Variants in CAMK4 observed in about 807,000 individuals in gnomAD.
The protein encoded by CAMK4 is calcium/calmodulin-dependent protein kinase type IV.
A neutral mutation model predicts 44.9 loss-of-function variants in CAMK4; 22 were observed. The ratio of observed to expected loss-of-function variants is 0.49; its 90% CI spans 0.35 to 0.70. CAMK4 has a LOEUF of 0.70. Ranked by LOEUF, CAMK4 falls within the 30% of genes least tolerant of loss-of-function variation. CAMK4 has a pLI of 0.01. For missense variants in CAMK4, 498 were observed against 586.8 expected (o/e 0.85, Z 1.56); for synonymous variants, 218 against 215.4 (o/e 1.01, Z -0.11).
chr5:111,236,634 C>G (rs1748740362), intron 1 of CAMK4, among the ~76,000 whole-genome samples: 1 of 152,212 alleles, frequency 6.6e-6, no homozygotes, highest in South Asian at 2.1e-4. Context: ...ACTCTCTTGG[C>G]CTGAAATGTG....
chr5:111,438,039 A>T lies in CAMK4; in HGVS notation c.460-8647A>T, dbSNP rs528273927. 6.6e-5 allele frequency among the ~76,000 whole-genome samples: 10 copies of T among 152,304 alleles called. No homozygotes were observed. The South Asian group carries it at 1.9e-3, about 28-fold the overall frequency. ...CAGGGCCATTCTGGAGACATTTTGG[A>T]ATTAAAGTTGAAAGAACTTAATTGT... On this transcript the variant is annotated intron_variant, in intron 5 of 10. Transcript: ENST00000282356.
chr5:111,362,089 C>T (rs73788840), intron 2 of CAMK4, among the ~76,000 whole-genome samples: 3,790 of 152,062 alleles, frequency 0.025, 163 homozygotes, highest in African/African-American at 0.086. Context: ...ATTTAGTGAA[C>T]GTTTCACAGG....
intron 1 of CAMK4, among the ~76,000 whole-genome samples, chr5:111,322,667 A>T (rs1748711078): frequency 6.6e-6 from 1 of 152,066 alleles, no homozygotes; most frequent in Admixed American, 6.6e-5. Context: ...GGGTGTAGGG[A>T]GAGTCAATAA....
chr5:111,265,843 C>G (rs1750216890), intron 1 of CAMK4: 3 of 152,128 alleles, frequency 2.0e-5, no homozygotes, highest in Admixed American at 2.0e-4. Context: ...CTTTAATAAT[C>G]ACCAAGACCT....
intron 4 of CAMK4, among the ~76,000 whole-genome samples, chr5:111,378,761 ACT>A (rs1189894469): frequency 6.6e-6 from 1 of 152,140 alleles, no homozygotes; most frequent in Non-Finnish European, 1.5e-5. Context: ...GTGAATCCTG[ACT>A]CTACAACTGA....
chr5:111,301,940 G>T (rs1477376906), intron 1 of CAMK4, among the ~76,000 whole-genome samples: 1 of 152,132 alleles, frequency 6.6e-6, no homozygotes, highest in Non-Finnish European at 1.5e-5. Flanking sequence ...ACATCTCTTT[G>T]CTCAGTTAAG....
At chr5:111,424,063 A>T (rs2112923525) in intron 5 of CAMK4, among the ~76,000 whole-genome samples, 1 of 152,358 alleles carries the variant, frequency 6.6e-6, no homozygotes, top group South Asian at 2.1e-4. Flanking sequence ...TTATATCCTT[A>T]ATCCTTTTGC....
intron 5 of CAMK4, among the ~76,000 whole-genome samples, chr5:111,404,978 C>T (rs1487308541): frequency 1.3e-5 from 2 of 152,104 alleles, no homozygotes; most frequent in Non-Finnish European, 2.9e-5. Context: ...AGACTTTGTT[C>T]TAGACTTTGA....
chr5:111,293,433 C>CT lies in CAMK4; in HGVS notation c.162-50580dup, dbSNP rs1000264327. 3.5e-3 allele frequency among the ~76,000 whole-genome samples: 511 copies of CT among 146,612 alleles called. 1 individual carries two copies. Among genetic ancestry groups the CT allele is most frequent in the African/African-American group, 8.1e-3 (326 of 40,274 alleles). ...TCGATGCTTTTATGGCGGTGGTCTA[C>CT]TTTTTTTTTTTGAGATGGAGTCTCA... is the stretch of plus-strand genomic sequence containing the variant. On this transcript the variant is annotated intron_variant, in intron 1 of 10. Transcript: ENST00000282356.
At chr5:111,480,287 CA>C (rs1755391186) in intron 9 of CAMK4, among the ~76,000 whole-genome samples, 1 of 149,058 alleles carries the variant, frequency 6.7e-6, no homozygotes, top group Non-Finnish European at 1.5e-5. Context: ...CACACACACA[CA>C]CCCCTGGGTA....
chr5:111,311,573 T>C (rs1748205416), intron 1 of CAMK4, among the ~76,000 whole-genome samples: 1 of 152,192 alleles, frequency 6.6e-6, no homozygotes, highest in African/African-American at 2.4e-5. Context: ...GTAGGGGACA[T>C]CTAGGCTGTC....
chr5:111,316,801 T>C (rs2112683657), intron 1 of CAMK4, among the ~76,000 whole-genome samples: 1 of 152,292 alleles, frequency 6.6e-6, no homozygotes, highest in South Asian at 2.1e-4. Context: ...ATATTGCATT[T>C]TCAAGAATAG....
At chr5:111,479,030 C>T (rs1032912954) in intron 9 of CAMK4, among the ~76,000 whole-genome samples, 1 of 152,108 alleles carries the variant, frequency 6.6e-6, no homozygotes, top group Non-Finnish European at 1.5e-5. Context: ...GTGCATGCCA[C>T]CACACCCAGC....
intron 7 of CAMK4, among the ~76,000 whole-genome samples, chr5:111,460,917 T>C (rs754841979): frequency 1.2e-4 from 18 of 152,140 alleles, no homozygotes; most frequent in Non-Finnish European, 2.2e-4. Context: ...CAGGATATTA[T>C]TTAAAAATAA....
In CAMK4 at chr5:111,490,945, T is replaced by C. The variant is rs1289188042; in HGVS notation, c.*6479T>C. 3 of 152,140 alleles carry C rather than the reference T, an allele frequency of 2.0e-5. No individual in the cohort carries two copies. The highest frequency in any genetic ancestry group is 4.4e-5 in the Non-Finnish European group (3 of 68,036). 9.4% of individuals were successfully genotyped at this position (152,140 alleles called of 1,614,324 possible). A position where few individuals can be genotyped will look rare whatever the true frequency, so the allele number is the denominator to read the frequency against. Reference sequence around the variant, plus strand: ...AGTTTAGTGAGTGGGTACAGCTGAGTTGGGGTTTAGGTGATTTCTTATGCC... The same window carrying C: ...AGTTTAGTGAGTGGGTACAGCTGAGCTGGGGTTTAGGTGATTTCTTATGCC... On this transcript the variant is annotated 3_prime_UTR_variant, in exon 11 of 11. Coordinates refer to ENST00000282356, the MANE Select transcript of CAMK4 (RefSeq NM_001744.6).
At position 111,264,325 on chromosome 5, in the gene CAMK4, C is replaced by T. The variant is rs184405023; in HGVS notation, c.161+39681C>T. On this transcript the variant is annotated intron_variant, in intron 1 of 10. Transcript: ENST00000282356. ...CAGTCGCTCCAGGGGTTTGGTGTGC[C>T]GATGGTGATGTCAGCTGCCTGGGTG... 1.5e-4 allele frequency among the ~76,000 whole-genome samples: 23 copies of T among 152,148 alleles called. No individual in the cohort carries two copies. The East Asian group carries it at 2.3e-3, about 15-fold the overall frequency.
At chr5:111,328,388 G>T (rs1748997042) in intron 1 of CAMK4, among the ~76,000 whole-genome samples, 1 of 151,854 alleles carries the variant, frequency 6.6e-6, no homozygotes, top group African/African-American at 2.4e-5. Context: ...TTTGGTACCA[G>T]TACCTTGCTG....
chr5:111,357,389 C>G (rs1006819209), intron 2 of CAMK4, among the ~76,000 whole-genome samples: 40 of 152,242 alleles, frequency 2.6e-4, no homozygotes, highest in Admixed American at 7.2e-4. Flanking sequence ...CAGAAGGACA[C>G]AGGCTATCAG....
At chr5:111,435,261 T>G (rs964846994) in intron 5 of CAMK4, among the ~76,000 whole-genome samples, 1 of 152,186 alleles carries the variant, frequency 6.6e-6, no homozygotes, top group Admixed American at 6.5e-5. Flanking sequence ...ATGTAAATTT[T>G]TCCAAGGAAA....
Sources: gnomAD v4.1 joint callset for allele counts (sites outside exome capture counted in the v4.1 genomes callset) on GRCh38, gnomAD v4.1.1 for gene constraint, MANE v1.5 for transcripts, NCBI Gene and HGNC (gene_info 2026-07-23, HGNC 2026-07-21) for gene names.